The following PTPRD variants were observed in gnomAD, a reference collection of about 807,000 sequenced individuals.
PTPRD encodes the protein receptor-type tyrosine-protein phosphatase delta.
Under a neutral mutation model 214.5 loss-of-function variants are expected in PTPRD, and 34 were observed. The observed-to-expected ratio is 0.16, with a 90% CI of 0.12 to 0.21. The LOEUF is 0.21. Among genes scored for constraint, PTPRD ranks in the 10% least tolerant of loss-of-function variants. The probability of loss-of-function intolerance (pLI) is 1.00; values close to 1 mark genes in which losing one functional copy is unlikely to be tolerated. For synonymous variants in PTPRD, 1,128 were observed against 845.7 expected (o/e 1.33, Z -5.79); for missense variants, 2,545 against 2,398.7 (o/e 1.06, Z -1.27).
At position 10,595,784 on chromosome 9, in the gene PTPRD, G is replaced by A. The variant is rs891290877; in HGVS notation, c.-600+16614C>T. 1.8e-4 allele frequency among the ~76,000 whole-genome samples: 28 copies of A among 151,692 alleles called. 1 individual carries two copies. The highest frequency in any genetic ancestry group is 8.3e-4 in the South Asian group (4 of 4,816). ...AGCTCTAACACTTTACTAGTGGGGG[G>A]AAAGAAGCTAATATTCCATTATATA... On this transcript the variant is annotated intron_variant, in intron 2 of 45. Transcript: ENST00000381196.
chr9:9,147,796 A>G (rs997592933), intron 10 of PTPRD, among the ~76,000 whole-genome samples: 5 of 152,142 alleles, frequency 3.3e-5, no homozygotes, highest in African/African-American at 1.2e-4. Context: ...GTGGTTTTCA[A>G]AGTCTTTTTC....
At chr9:8,942,794 C>A (rs1358415055) in intron 11 of PTPRD, among the ~76,000 whole-genome samples, 3 of 151,796 alleles carry the variant, frequency 2.0e-5, no homozygotes, top group Non-Finnish European at 4.4e-5. Context: ...TAAATAATTC[C>A]TCAGTCACAA....
In PTPRD at chr9:8,683,385, CAAA is replaced by C. The variant is rs78015875; in HGVS notation, c.65-46544_65-46542del. Reference sequence around the variant, plus strand: ...CTCTTTCATGGAGACACTCCTTTCTCAAAAAAAAAAAAAAAAGTGTATACATAA... The same window carrying C: ...CTCTTTCATGGAGACACTCCTTTCTCAAAAAAAAAAAAAGTGTATACATAA... On this transcript the variant is annotated intron_variant, in intron 12 of 45. Coordinates refer to ENST00000381196, the MANE Select transcript of PTPRD (RefSeq NM_002839.4). Among the ~76,000 whole-genome samples, 157 of 107,038 alleles carry C rather than the reference CAAA, an allele frequency of 1.5e-3. 2 individuals are homozygous for C. In the East Asian group the frequency reaches 0.022, roughly 15 times the overall value. 70.2% of individuals were successfully genotyped at this position (107,038 alleles called of 152,430 possible).
chr9:8,399,444 A>G (rs1241703594), intron 36 of PTPRD, among the ~76,000 whole-genome samples: 1 of 152,290 alleles, frequency 6.6e-6, no homozygotes, highest in East Asian at 1.9e-4. Context: ...GTGAATGTTA[A>G]CTGCATTAAG....
chr9:8,454,937 T>C (rs983066239), intron 33 of PTPRD, among the ~76,000 whole-genome samples: 3 of 152,122 alleles, frequency 2.0e-5, no homozygotes, highest in African/African-American at 7.2e-5. Context: ...AGAGATAATT[T>C]GATTTTTAAA....
intron 41 of PTPRD, 106 bp downstream of exon 41, chr9:8,340,984 C>T (rs1032571957): frequency 8.5e-7 from 1 of 1,175,242 alleles, no homozygotes; most frequent in Non-Finnish European, 1.2e-6. Context: ...ATGACCTATG[C>T]AGAAAGAAAA....
At chr9:9,362,425 A>G (rs186058500) in intron 9 of PTPRD, among the ~76,000 whole-genome samples, 2 of 151,332 alleles carry the variant, frequency 1.3e-5, no homozygotes, top group African/African-American at 4.8e-5. Context: ...TAAAAACTAC[A>G]ACACAGTGTG....
rs150136438 is a variant in PTPRD at position 8,902,856 on chromosome 9, G to A, written c.-104+115841C>T. Among the ~76,000 whole-genome samples, 338 of 152,220 alleles carry A rather than the reference G, an allele frequency of 2.2e-3. 1 individual carries two copies. The highest frequency in any genetic ancestry group is 7.7e-3 in the African/African-American group (318 of 41,526). The stretch of plus-strand genomic sequence containing the variant: ...ATTTCAGTCTTCAAAATCATCATTC[G>A]AAGGTAATCATAATTTCTATTTCTG... On this transcript the variant is annotated intron_variant, in intron 11 of 45. Coordinates refer to ENST00000381196, the MANE Select transcript of PTPRD (RefSeq NM_002839.4).
chr9:8,989,687 G>A (rs867181042), intron 11 of PTPRD, among the ~76,000 whole-genome samples: 2 of 151,982 alleles, frequency 1.3e-5, no homozygotes, highest in Middle Eastern at 3.4e-3. Flanking sequence ...GTTTGGAAAG[G>A]CATGACCAAT....
At chr9:9,587,773 T>C (rs2092243321) in intron 7 of PTPRD, among the ~76,000 whole-genome samples, 2 of 151,974 alleles carry the variant, frequency 1.3e-5, no homozygotes, top group Admixed American at 6.6e-5. Flanking sequence ...AAATACTGCA[T>C]GTTCTTACTC....
chr9:8,314,952 C>T lies in PTPRD; in HGVS notation c.*2922G>A, dbSNP rs947951527. Reference sequence around the variant, plus strand: ...CATGCAAATCATTTTTAAAAAAGAGCTAAAATAAAGTTCTGTACAAATCAC... The same window carrying T: ...CATGCAAATCATTTTTAAAAAAGAGTTAAAATAAAGTTCTGTACAAATCAC... On this transcript the variant is annotated 3_prime_UTR_variant, in exon 46 of 46. Transcript: ENST00000381196. 2 of 232,326 alleles carry T rather than the reference C, an allele frequency of 8.6e-6. No individual in the cohort carries two copies. Among genetic ancestry groups the T allele is most frequent in the African/African-American group, 4.4e-5 (2 of 45,240 alleles). The allele number at this position is 232,326 out of a possible 1,614,324, so 14.4% of individuals were successfully genotyped here. A position where few individuals can be genotyped will look rare whatever the true frequency, so the allele number is the denominator to read the frequency against.
intron 9 of PTPRD, among the ~76,000 whole-genome samples, chr9:9,375,005 G>A (rs1210228075): frequency 6.6e-6 from 1 of 152,140 alleles, no homozygotes; most frequent in African/African-American, 2.4e-5. Flanking sequence ...ATTCAGTCAT[G>A]CTCTCAATTA....
intron 12 of PTPRD, among the ~76,000 whole-genome samples, chr9:8,646,783 G>C (rs1245952649): frequency 6.6e-6 from 1 of 151,988 alleles, no homozygotes; most frequent in Non-Finnish European, 1.5e-5. Context: ...AATTATACAT[G>C]CCCCTGGTCA....
rs1026056986 is a variant in PTPRD, at chr9:10,031,641, T to C, written c.-472+2077A>G. Among the ~76,000 whole-genome samples, 291 of 74,150 alleles carry C rather than the reference T, an allele frequency of 3.9e-3. 15 individuals are homozygous for C. The highest frequency in any genetic ancestry group is 0.026 in the African/African-American group (260 of 10,070). 48.6% of individuals were successfully genotyped at this position (74,150 alleles called of 152,430 possible). A position where few individuals can be genotyped will look rare whatever the true frequency, so the allele number is the denominator to read the frequency against. ...AAAAAACTCCATATATATATATATA[T>C]ATATATACACACACACACACACACA... On this transcript the variant is annotated intron_variant, in intron 4 of 45. Transcript: ENST00000381196.
intron 14 of PTPRD, among the ~76,000 whole-genome samples, chr9:8,548,668 G>A (rs1242614013): frequency 7.1e-6 from 1 of 141,314 alleles, no homozygotes; most frequent in African/African-American, 2.6e-5. Context: ...GCACCCAGCT[G>A]GAGCTGGATT....
At chr9:9,406,268 T>C (rs960417774) in intron 8 of PTPRD, among the ~76,000 whole-genome samples, 7 of 151,932 alleles carry the variant, frequency 4.6e-5, no homozygotes, top group African/African-American at 1.7e-4. Context: ...CTTAGGGACT[T>C]TCAAAATCTG....
At chr9:9,827,146 G>GA (rs1172394843) in intron 5 of PTPRD, among the ~76,000 whole-genome samples, 2 of 151,942 alleles carry the variant, frequency 1.3e-5, no homozygotes, top group East Asian at 1.9e-4. Context: ...CACAGAATTG[G>GA]AAAAAACTAC....
At chr9:9,394,781 G>A (rs904106263) in intron 9 of PTPRD, among the ~76,000 whole-genome samples, 2 of 151,980 alleles carry the variant, frequency 1.3e-5, no homozygotes, top group Non-Finnish European at 2.9e-5. Flanking sequence ...GTGTTGTGTG[G>A]TCTAAAACAA....
At chr9:10,512,842 T>G (rs2133874045) in intron 2 of PTPRD, among the ~76,000 whole-genome samples, 1 of 152,128 alleles carries the variant, frequency 6.6e-6, no homozygotes, top group Middle Eastern at 3.4e-3. Flanking sequence ...AGAAGACAAA[T>G]ATTTGATCTT....
Sources: allele counts gnomAD v4.1 joint callset (sites outside exome capture counted in the v4.1 genomes callset), GRCh38; gene constraint gnomAD v4.1.1; transcripts MANE v1.5; gene names NCBI Gene and HGNC (gene_info 2026-07-23, HGNC 2026-07-21).